UGGT2: variants seen among roughly 807,000 people sequenced by gnomAD.
The protein encoded by UGGT2 is UDP-glucose glycoprotein glucosyltransferase 2.
A neutral mutation model predicts 192.1 loss-of-function variants in UGGT2; 180 were observed. The observed-to-expected ratio is 0.94, with a 90% confidence interval of 0.83 to 1.06. The LOEUF (loss-of-function observed/expected upper bound fraction) is 1.06. Ranked by LOEUF, UGGT2 falls within the 50% of genes least tolerant of loss-of-function variation. The pLI is 0.00. For missense variants in UGGT2, 1,849 were observed against 1,795.7 expected (o/e 1.03, Z -0.54); for synonymous variants, 580 against 591.0 (o/e 0.98, Z 0.27).
chr13:95,890,084 T>C (rs1201322790), intron 25 of UGGT2, among the ~76,000 whole-genome samples: 1 of 152,186 alleles, frequency 6.6e-6, no homozygotes, highest in African/African-American at 2.4e-5. Context: ...TTGAAAGTAG[T>C]GTTATTTTGG....
chr13:95,902,796 A>G, intron 21 of UGGT2, 58 bp downstream of exon 21: 1 of 1,489,620 alleles, frequency 6.7e-7, no homozygotes, highest in South Asian at 1.2e-5. Flanking sequence ...CTCCAAATAC[A>G]CTCACACTTT....
chr13:95,867,744 T>G (rs1890806337), intron 29 of UGGT2, among the ~76,000 whole-genome samples: 1 of 152,156 alleles, frequency 6.6e-6, no homozygotes, highest in Non-Finnish European at 1.5e-5. Context: ...ACTAAAATCT[T>G]TCACATCCCT....
At chr13:95,926,172 T>C (rs891829911) in intron 19 of UGGT2, among the ~76,000 whole-genome samples, 4 of 152,118 alleles carry the variant, frequency 2.6e-5, no homozygotes, top group Admixed American at 1.3e-4. Flanking sequence ...TTAGTAGATA[T>C]AGAAAACAGC....
intron 1 of UGGT2, among the ~76,000 whole-genome samples, chr13:96,039,101 C>T (rs1045680994): frequency 2.0e-5 from 3 of 152,132 alleles, no homozygotes; most frequent in Non-Finnish European, 4.4e-5. Flanking sequence ...GGCAAATTTC[C>T]ATTATGTTTC....
At position 95,961,489 on chromosome 13, in the gene UGGT2, T is replaced by C. The variant is rs73560872; in HGVS notation, c.1335+8623A>G. On this transcript the variant is annotated intron_variant, in intron 12 of 38. Transcript: ENST00000376747. Reference sequence around the variant, plus strand: ...AGATAAAACTTTAGGTCAAAAACAGTTAAAAGGACAAAGATAGTCATTATA... The same window carrying C: ...AGATAAAACTTTAGGTCAAAAACAGCTAAAAGGACAAAGATAGTCATTATA... Among the ~76,000 whole-genome samples, 1,512 of 152,116 alleles carry C rather than the reference T, an allele frequency of 9.9e-3. 22 individuals are homozygous for C. The highest frequency in any genetic ancestry group is 0.034 in the African/African-American group (1,415 of 41,530).
intron 20 of UGGT2, among the ~76,000 whole-genome samples, chr13:95,915,110 A>G (rs2048640354): frequency 6.6e-6 from 1 of 152,098 alleles, no homozygotes; most frequent in Non-Finnish European, 1.5e-5. Flanking sequence ...CTTCTTACAT[A>G]AAGTATGTTC....
At chr13:96,024,969 C>T (rs983119950) in intron 2 of UGGT2, among the ~76,000 whole-genome samples, 1 of 152,172 alleles carries the variant, frequency 6.6e-6, no homozygotes, top group African/African-American at 2.4e-5. Context: ...ACCCTCAGTT[C>T]CTCTCTTTAC....
intron 36 of UGGT2, among the ~76,000 whole-genome samples, chr13:95,848,219 A>G (rs1650542948): frequency 6.6e-6 from 1 of 152,190 alleles, no homozygotes. Context: ...TATCAGATGC[A>G]TCTTTTACAA....
At position 95,879,623 on chromosome 13, in the gene UGGT2, G is replaced by A. The variant is rs566331411; in HGVS notation, c.3229-1767C>T. Among the ~76,000 whole-genome samples the A allele has an allele frequency of 5.9e-5, 9 of 152,262 alleles. No individual in the cohort carries two copies. In the South Asian group the frequency reaches 1.9e-3, roughly 32 times the overall value. Reference sequence around the variant, plus strand: ...GCTAATTTTTTGTACTTTTAGTAGAGACGGGGTTTCACCATGTGGGCCAGG... The same window carrying A: ...GCTAATTTTTTGTACTTTTAGTAGAAACGGGGTTTCACCATGTGGGCCAGG... On this transcript the variant is annotated intron_variant, in intron 27 of 38. Transcript: ENST00000376747.
chr13:95,994,865 G>A (rs1313425650), intron 7 of UGGT2, among the ~76,000 whole-genome samples: 3 of 152,088 alleles, frequency 2.0e-5, no homozygotes, highest in African/African-American at 7.2e-5. Flanking sequence ...TGTCTTTGAG[G>A]TTTAGCCATT....
At chr13:95,939,902 G>T in intron 16 of UGGT2, 55 bp downstream of exon 16, 1 of 1,348,308 alleles carries the variant, frequency 7.4e-7, no homozygotes. Flanking sequence ...GAGATCATGT[G>T]GTGTTTGTCT....
intron 16 of UGGT2, among the ~76,000 whole-genome samples, chr13:95,939,083 T>G (rs185106123): frequency 1.6e-3 from 251 of 152,314 alleles, no homozygotes; most frequent in Non-Finnish European, 2.3e-3. Context: ...CACAAGACCC[T>G]GTATATTCAG....
intron 1 of UGGT2, among the ~76,000 whole-genome samples, chr13:96,043,661 G>C (rs747350291): frequency 1.3e-5 from 2 of 151,996 alleles, no homozygotes; most frequent in Non-Finnish European, 2.9e-5. Flanking sequence ...TAAGGTAAAG[G>C]GGTAGAAAAA....
intron 20 of UGGT2, among the ~76,000 whole-genome samples, chr13:95,907,117 G>T (rs74621922): frequency 6.6e-6 from 1 of 152,204 alleles, no homozygotes; most frequent in Non-Finnish European, 1.5e-5. Context: ...TCCCGTGCCC[G>T]ACACGGCAGG....
intron 33 of UGGT2, 59 bp downstream of exon 33, chr13:95,859,532 G>A (rs2140073670): frequency 1.5e-6 from 2 of 1,297,060 alleles, no homozygotes; most frequent in Non-Finnish European, 2.2e-6. Flanking sequence ...AACTTACAAT[G>A]ATACAAATAA....
Position 95,808,411 on chromosome 13 carries a change from A to AT in UGGT2, c.4529-6600dup, listed in dbSNP as rs758490427. 5.3e-3 allele frequency among the ~76,000 whole-genome samples: 802 copies of AT among 150,758 alleles called. 6 individuals carry two copies. Among genetic ancestry groups the AT allele is most frequent in the African/African-American group, 0.011 (472 of 41,114 alleles). The stretch of plus-strand genomic sequence containing the variant: ...CTTACAAATAAATGTCCTTTGTGGC[A>AT]TTTTTTTTTCTACAAACAGGGAAAT... On this transcript the variant is annotated intron_variant, in intron 38 of 38. Transcript: ENST00000376747.
intron 12 of UGGT2, among the ~76,000 whole-genome samples, chr13:95,950,938 A>G (rs1264000811): frequency 6.6e-6 from 1 of 152,170 alleles, no homozygotes; most frequent in African/African-American, 2.4e-5. Context: ...AATATATGAA[A>G]AAGATCTAGC....
At chr13:95,967,666 G>A (rs1462398353) in intron 12 of UGGT2, among the ~76,000 whole-genome samples, 1 of 151,658 alleles carries the variant, frequency 6.6e-6, no homozygotes, top group African/African-American at 2.4e-5. Context: ...TAGAGACGGG[G>A]TTTCACCATG....
At chr13:95,869,349 C>A (rs1425018731) in intron 29 of UGGT2, among the ~76,000 whole-genome samples, 1 of 152,088 alleles carries the variant, frequency 6.6e-6, no homozygotes, top group African/African-American at 2.4e-5. Context: ...AATAAACATA[C>A]GTGTGCATGT....
Sources: gnomAD v4.1 joint callset for allele counts (sites outside exome capture counted in the v4.1 genomes callset) on GRCh38, gnomAD v4.1.1 for gene constraint, MANE v1.5 for transcripts, NCBI Gene and HGNC (gene_info 2026-07-23, HGNC 2026-07-21) for gene names.